NOVA1: variants seen among roughly 807,000 people sequenced by gnomAD.
NOVA1 encodes the protein NOVA alternative splicing regulator 1.
NOVA1 carries 7 observed loss-of-function variants against 38.0 expected under a neutral mutation model. That is an observed-to-expected ratio of 0.18 (90% CI 0.10 to 0.35). The LOEUF (loss-of-function observed/expected upper bound fraction) is 0.35. Ranked by LOEUF, NOVA1 falls within the 10% of genes least tolerant of loss-of-function variation. The probability of loss-of-function intolerance (pLI) is 1.00; values close to 1 mark genes in which losing one functional copy is unlikely to be tolerated. For synonymous variants in NOVA1, 270 were observed against 232.5 expected, an observed-to-expected ratio of 1.16 and a Z score of -1.47; for missense variants, 460 against 616.0, an observed-to-expected ratio of 0.75 and a Z score of 2.68.
At chr14:26,524,941 G>A (rs1318927049) in intron 2 of NOVA1, among the ~76,000 whole-genome samples, 1 of 152,034 alleles carries the variant, frequency 6.6e-6, no homozygotes, top group Non-Finnish European at 1.5e-5. Context: ...GAAATACTAC[G>A]GCCCAAAATG....
chr14:26,538,778 T>C (rs1430755203), intron 2 of NOVA1, among the ~76,000 whole-genome samples: 3 of 152,120 alleles, frequency 2.0e-5, no homozygotes, highest in Admixed American at 6.5e-5. Flanking sequence ...TGTCTTCAAA[T>C]TGTAATTATG....
intron 4 of NOVA1, 50 bp from the exon 5 acceptor site, chr14:26,449,013 A>G: frequency 6.8e-7 from 1 of 1,462,096 alleles, no homozygotes; most frequent in Non-Finnish European, 9.2e-7. Flanking sequence ...TTGTGCATAT[A>G]CATTATATTA....
At chr14:26,587,290 A>C (rs1421457146) in intron 2 of NOVA1, among the ~76,000 whole-genome samples, 1 of 139,888 alleles carries the variant, frequency 7.1e-6, no homozygotes, top group Admixed American at 7.7e-5. Flanking sequence ...TAAATCTTTA[A>C]CAGGGATCTA....
chr14:26,537,869 G>C (rs923478313), intron 2 of NOVA1, among the ~76,000 whole-genome samples: 1 of 152,160 alleles, frequency 6.6e-6, no homozygotes, highest in African/African-American at 2.4e-5. Flanking sequence ...TATTATATTA[G>C]GAAACTGGGA....
At chr14:26,526,038 TTC>T (rs1162248737) in intron 2 of NOVA1, among the ~76,000 whole-genome samples, 1 of 152,100 alleles carries the variant, frequency 6.6e-6, no homozygotes, top group African/African-American at 2.4e-5. Flanking sequence ...AATTTTTACT[TTC>T]TTTTTCTACT....
intron 4 of NOVA1, among the ~76,000 whole-genome samples, chr14:26,460,041 A>C (rs910333380): frequency 1.3e-5 from 2 of 151,936 alleles, no homozygotes; most frequent in Non-Finnish European, 2.9e-5. Context: ...TTATTATTTT[A>C]ATTTCACCAA....
chr14:26,465,696 T>TAA (rs141192355), intron 4 of NOVA1, among the ~76,000 whole-genome samples: 1 of 150,570 alleles, frequency 6.6e-6, no homozygotes, highest in Non-Finnish European at 1.5e-5. Flanking sequence ...TCAAATATTG[T>TAA]AAAAAAAAAG....
intron 4 of NOVA1, 56 bp from the exon 5 acceptor site, chr14:26,449,019 T>C (rs982665209): frequency 1.3e-5 from 19 of 1,450,404 alleles, no homozygotes; most frequent in Non-Finnish European, 1.6e-5. Flanking sequence ...ATATACATTA[T>C]ATTACTTTGC....
chr14:26,475,727 T>C (rs1271498484), intron 3 of NOVA1, among the ~76,000 whole-genome samples: 7 of 152,314 alleles, frequency 4.6e-5, no homozygotes, highest in Middle Eastern at 6.8e-3. Flanking sequence ...TTTTGGAATA[T>C]AGTTTTTTAA....
At chr14:26,500,493 A>G (rs2138402857) in intron 2 of NOVA1, among the ~76,000 whole-genome samples, 1 of 151,534 alleles carries the variant, frequency 6.6e-6, no homozygotes, top group Admixed American at 6.6e-5. Flanking sequence ...AGAGTATCCT[A>G]CCTCCCAGGA....
intron 4 of NOVA1, among the ~76,000 whole-genome samples, chr14:26,465,916 A>C (rs1481767945): frequency 1.3e-5 from 2 of 152,268 alleles, no homozygotes; most frequent in Admixed American, 1.3e-4. Flanking sequence ...CCAAGTATAC[A>C]GTATTCATGA....
intron 2 of NOVA1, among the ~76,000 whole-genome samples, chr14:26,564,609 C>A (rs1332900676): frequency 5.9e-5 from 9 of 152,154 alleles, no homozygotes. Context: ...GACAAATTAA[C>A]ATATCCATTT....
intron 2 of NOVA1, among the ~76,000 whole-genome samples, chr14:26,582,234 C>T (rs2138772376): frequency 6.6e-6 from 1 of 151,916 alleles, no homozygotes; most frequent in South Asian, 2.1e-4. Context: ...AAAATGTTTA[C>T]ATTCTTTACT....
chr14:26,594,970 A>G (rs1367497874), intron 2 of NOVA1, among the ~76,000 whole-genome samples: 1 of 152,112 alleles, frequency 6.6e-6, no homozygotes, highest in Non-Finnish European at 1.5e-5. Flanking sequence ...AATGAAGCAG[A>G]AAGAGGTACA....
chr14:26,519,044 T>G (rs1888681684), intron 2 of NOVA1, among the ~76,000 whole-genome samples: 1 of 152,094 alleles, frequency 6.6e-6, no homozygotes, highest in Admixed American at 6.5e-5. Context: ...ACTGGATAAA[T>G]TAACCTATAA....
In NOVA1 at chr14:26,485,397, T is replaced by C. The variant is rs533218886; in HGVS notation, c.281-5254A>G. Among the ~76,000 whole-genome samples the C allele has an allele frequency of 7.2e-4, 110 of 152,290 alleles. 2 individuals are homozygous for C. In the South Asian group the frequency reaches 0.022, roughly 30 times the overall value. The stretch of plus-strand genomic sequence containing the variant: ...ATGATTTAAAAACTATAATAAGTTA[T>C]AATTTATCATTTAAAAAGGGCACGT... On this transcript the variant is annotated intron_variant, in intron 2 of 4. Transcript: ENST00000539517.
At chr14:26,464,905 A>G (rs1481855866) in intron 4 of NOVA1, among the ~76,000 whole-genome samples, 1 of 152,154 alleles carries the variant, frequency 6.6e-6, no homozygotes, top group Non-Finnish European at 1.5e-5. Context: ...GGTTCAATTT[A>G]TTCCTAAGAA....
intron 2 of NOVA1, among the ~76,000 whole-genome samples, chr14:26,582,190 A>T (rs191865241): frequency 4.0e-4 from 60 of 151,884 alleles, no homozygotes; most frequent in African/African-American, 1.3e-3. Context: ...CCAAACCCGA[A>T]ATTGTACTTA....
At chr14:26,489,195 T>C (rs1468011337) in intron 2 of NOVA1, among the ~76,000 whole-genome samples, 1 of 152,126 alleles carries the variant, frequency 6.6e-6, no homozygotes, top group African/African-American at 2.4e-5. Context: ...TTAGACAAAA[T>C]TAAGCAGTAA....
Sources: allele counts gnomAD v4.1 joint callset (sites outside exome capture counted in the v4.1 genomes callset), GRCh38; gene constraint gnomAD v4.1.1; transcripts MANE v1.5; gene names NCBI Gene and HGNC (gene_info 2026-07-23, HGNC 2026-07-21).